The following TBC1D4 variants were observed in gnomAD, a reference collection of about 807,000 sequenced individuals.
TBC1D4 encodes the protein TBC (Tre-2, BUB2, CDC16) domain-containing protein.
TBC1D4 carries 121 observed loss-of-function variants against 142.5 expected under a neutral mutation model. That is an observed-to-expected ratio of 0.85 (90% CI 0.73 to 0.99). The LOEUF (loss-of-function observed/expected upper bound fraction) is 0.99. Ranked by LOEUF, TBC1D4 falls within the 50% of genes least tolerant of loss-of-function variation. The pLI, the probability that TBC1D4 is intolerant of heterozygous loss-of-function variation, is 0.00. For missense variants in TBC1D4, 1,475 were observed against 1,606.6 expected (o/e 0.92, Z 1.40); for synonymous variants, 630 against 628.2 (o/e 1.00, Z -0.04).
chr13:75,300,265 A>C (rs1299751828), intron 16 of TBC1D4, among the ~76,000 whole-genome samples: 2 of 152,206 alleles, frequency 1.3e-5, no homozygotes, highest in Non-Finnish European at 1.5e-5. Context: ...ATATACCTCT[A>C]GGTATAAAAT....
chr13:75,394,053 T>C (rs566186994), intron 1 of TBC1D4, among the ~76,000 whole-genome samples: 3 of 152,364 alleles, frequency 2.0e-5, no homozygotes, highest in African/African-American at 4.8e-5. Flanking sequence ...CCTATGTTAA[T>C]TGCTTTGAAA....
chr13:75,480,565 A>G (rs1888797008), intron 1 of TBC1D4, among the ~76,000 whole-genome samples: 1 of 152,238 alleles, frequency 6.6e-6, no homozygotes, highest in Non-Finnish European at 1.5e-5. Flanking sequence ...AAAAACATTT[A>G]AAAAATGATA....
At chr13:75,350,325 T>A (rs533988543) in intron 4 of TBC1D4, among the ~76,000 whole-genome samples, 3 of 152,196 alleles carry the variant, frequency 2.0e-5, no homozygotes, top group Non-Finnish European at 4.4e-5. Context: ...AAGAATGTAA[T>A]CTACTTCTAC....
At chr13:75,395,451 C>T (rs1025264159) in intron 1 of TBC1D4, among the ~76,000 whole-genome samples, 3 of 152,146 alleles carry the variant, frequency 2.0e-5, no homozygotes, top group South Asian at 2.1e-4. Context: ...CAATCAAAGG[C>T]TATTTATAAA....
intron 16 of TBC1D4, among the ~76,000 whole-genome samples, chr13:75,300,164 T>C (rs930883099): frequency 1.3e-5 from 2 of 152,196 alleles, no homozygotes; most frequent in Non-Finnish European, 2.9e-5. Flanking sequence ...AATACCTCCA[T>C]GAGCCATGTA....
At position 75,362,143 on chromosome 13, in the gene TBC1D4, G is replaced by T; in HGVS notation, c.963C>A (p.Gly321=). ...EFRSRCSSVT[G]VQRRVHEGSQ... ...TGCCCTCGTGAACTCTCCGTTGCAC[G>T]CCGGTGACACTGCTGCACCGAGACC... Residue 321 remains glycine, a synonymous_variant, in exon 2 of 21, where the codon GGC becomes GGA. Transcript: ENST00000377636. The surrounding 1 kb of genome is among the most constrained non-coding windows in gnomAD (Gnocchi z 4.2). 6.2e-7 allele frequency: 1 copy of T among 1,613,392 alleles called. No homozygotes were observed. The highest frequency in any genetic ancestry group is 8.5e-7 in the Non-Finnish European group (1 of 1,179,984).
At chr13:75,328,149 T>C (rs1384193021) in intron 8 of TBC1D4, among the ~76,000 whole-genome samples, 2 of 152,146 alleles carry the variant, frequency 1.3e-5, no homozygotes, top group African/African-American at 4.8e-5. Flanking sequence ...GATTCAAATA[T>C]GGAAGATACA....
intron 1 of TBC1D4, among the ~76,000 whole-genome samples, chr13:75,405,260 G>T (rs1885278855): frequency 7.2e-6 from 1 of 138,702 alleles, no homozygotes; most frequent in African/African-American, 2.6e-5. Context: ...ATATATACAT[G>T]TATATATGCT....
At chr13:75,468,407 T>C (rs1888256878) in intron 1 of TBC1D4, among the ~76,000 whole-genome samples, 3 of 152,174 alleles carry the variant, frequency 2.0e-5, no homozygotes, top group Admixed American at 2.0e-4. Flanking sequence ...ATTGCATGGA[T>C]ATATTTGTAA....
chr13:75,343,605 C>G (rs905369980), intron 5 of TBC1D4, among the ~76,000 whole-genome samples: 1 of 152,100 alleles, frequency 6.6e-6, no homozygotes, highest in Non-Finnish European at 1.5e-5. Flanking sequence ...GCAACTTCCT[C>G]CTCCAGGTTC....
chr13:75,370,261 G>A (rs986061439), intron 1 of TBC1D4, among the ~76,000 whole-genome samples: 3 of 152,200 alleles, frequency 2.0e-5, no homozygotes, highest in Admixed American at 6.5e-5. Flanking sequence ...TGTGGGAGAC[G>A]TGGGAGATCT....
chr13:75,338,828 C>A (rs1373785629), intron 7 of TBC1D4, among the ~76,000 whole-genome samples: 2 of 152,316 alleles, frequency 1.3e-5, no homozygotes, highest in East Asian at 1.9e-4. Flanking sequence ...CGTCTGCTTT[C>A]TTTATTTCCC....
intron 1 of TBC1D4, among the ~76,000 whole-genome samples, chr13:75,416,770 A>G (rs979819931): frequency 2.0e-5 from 3 of 152,168 alleles, no homozygotes; most frequent in African/African-American, 7.2e-5. Context: ...TAATAACCAA[A>G]CTATGGGCTC....
intron 1 of TBC1D4, among the ~76,000 whole-genome samples, chr13:75,441,477 A>G (rs181716104): frequency 2.0e-5 from 3 of 152,306 alleles, no homozygotes; most frequent in Admixed American, 6.5e-5. Context: ...CGAAAAATTA[A>G]AAAGGAAATT....
intron 1 of TBC1D4, among the ~76,000 whole-genome samples, chr13:75,378,004 G>A (rs1042430453): frequency 7.9e-5 from 12 of 151,868 alleles, no homozygotes; most frequent in African/African-American, 2.4e-4. Flanking sequence ...TACCTTAAAA[G>A]TTTCAAAGCC....
chr13:75,296,481 T>C (rs1247859142), intron 17 of TBC1D4, among the ~76,000 whole-genome samples: 1 of 152,216 alleles, frequency 6.6e-6, no homozygotes, highest in Non-Finnish European at 1.5e-5. Flanking sequence ...CCACCTACCC[T>C]GCCGCACATA....
chr13:75,312,893 C>T lies in TBC1D4; in HGVS notation c.2228G>A (p.Gly743Glu). ...RQDTASESSD[G>E]EGRKRTSSTC... ...AGATGAGGTCCTTTTTCTCCCTTCT[C>T]CATCACTGTTGAAAGCAAATAAACA... The change falls in exon 13 of 21, where the codon GGA becomes GAA. Residue 743 changes from glycine to glutamate, a missense_variant. Physicochemically the swap from Gly to Glu is moderately conservative, Grantham distance 98 (BLOSUM62 -2). This residue lies in a region of TBC1D4 where 1,227 missense variants were observed against 1,267.7 expected (regional missense o/e 0.97). Transcript: ENST00000377636. The T allele has an allele frequency of 1.2e-6, 2 of 1,614,168 alleles. No individual in the cohort carries two copies. The highest frequency in any genetic ancestry group is 8.5e-7 in the Non-Finnish European group (1 of 1,180,030).
chr13:75,363,277 T>C (rs1882683269), intron 1 of TBC1D4, among the ~76,000 whole-genome samples: 1 of 152,170 alleles, frequency 6.6e-6, no homozygotes, highest in Non-Finnish European at 1.5e-5. Flanking sequence ...CTGGAAAACA[T>C]GTCCACACAA....
At position 75,441,113 on chromosome 13, in the gene TBC1D4, AG is replaced by A. The variant is rs1331475487; in HGVS notation, c.498+40156del. ...TTACTAAAAACACAAAAAATTAGCCAGGCATGGTGGCGGGAACCTGTAATCC... is the reference window on the plus strand; with the variant it reads ...TTACTAAAAACACAAAAAATTAGCCAGCATGGTGGCGGGAACCTGTAATCC... On this transcript the variant is annotated intron_variant, in intron 1 of 20. Transcript: ENST00000377636. Among the ~76,000 whole-genome samples, 3 of 152,172 alleles carry A rather than the reference AG, an allele frequency of 2.0e-5. No homozygotes were observed. The East Asian group carries it at 5.8e-4, about 30-fold the overall frequency.
Sources: gnomAD v4.1 joint callset for allele counts (sites outside exome capture counted in the v4.1 genomes callset) on GRCh38, gnomAD v4.1.1 for gene constraint, gnomAD v4.1.1 regional missense constraint, Gnocchi (gnomAD v3.1) non-coding constraint, MANE v1.5 for transcripts, NCBI Gene and HGNC (gene_info 2026-07-23, HGNC 2026-07-21) for gene names.